The following POLA1 variants were observed in gnomAD, a reference collection of about 807,000 sequenced individuals.
The protein encoded by POLA1 is DNA polymerase alpha 1, catalytic subunit.
A neutral mutation model predicts 124.0 loss-of-function variants in POLA1; 15 were observed. The ratio of observed to expected loss-of-function variants is 0.12; its 90% CI spans 0.08 to 0.19. The LOEUF (loss-of-function observed/expected upper bound fraction) is 0.19. POLA1 is among the 10% of genes least tolerant of loss of function. POLA1 has a pLI of 1.00. For synonymous variants in POLA1, 408 were observed against 389.4 expected (o/e 1.05, Z -0.56); for missense variants, 886 against 1,103.4 (o/e 0.80, Z 2.79).
chrX:24,944,207 GGCT>G (rs2047937295), intron 36 of POLA1, among the ~76,000 whole-genome samples: 1 of 111,819 alleles, frequency 8.9e-6, no homozygotes, highest in Non-Finnish European at 1.9e-5. Context: ...GGTATATAGT[GGCT>G]TTCCATTGAG....
At chrX:24,968,956 C>T (rs762458238) in intron 36 of POLA1, among the ~76,000 whole-genome samples, 2 of 111,167 alleles carry the variant, frequency 1.8e-5, no homozygotes, top group Non-Finnish European at 3.8e-5. Flanking sequence ...CGCATGTAAT[C>T]CCAGCACTTT....
chrX:24,707,056 A>G (rs1163026216), intron 4 of POLA1, among the ~76,000 whole-genome samples: 1 of 112,121 alleles, frequency 8.9e-6, no homozygotes, highest in Non-Finnish European at 1.9e-5. Flanking sequence ...CAACCTGTAT[A>G]ATGTGGAAAT....
intron 36 of POLA1, among the ~76,000 whole-genome samples, chrX:24,952,295 G>C (rs1009259168): frequency 8.9e-6 from 1 of 111,815 alleles, no homozygotes; most frequent in Non-Finnish European, 1.9e-5. Flanking sequence ...TCAGTTAATA[G>C]TATTTTCTCT....
At chrX:24,851,933 C>T (rs756176632) in intron 34 of POLA1, among the ~76,000 whole-genome samples, 85 of 112,612 alleles carry the variant, frequency 7.5e-4, no homozygotes, top group African/African-American at 2.6e-3. Flanking sequence ...AGGAACAAAA[C>T]GGGACTATCA....
intron 31 of POLA1, among the ~76,000 whole-genome samples, chrX:24,824,354 A>G (rs1160364393): frequency 3.6e-5 from 4 of 110,079 alleles, no homozygotes; most frequent in African/African-American, 1.3e-4. Flanking sequence ...GTGCAGTGGC[A>G]TGACCACAGC....
chrX:24,875,701 T>C (rs1290918591), intron 34 of POLA1, among the ~76,000 whole-genome samples: 1 of 112,015 alleles, frequency 8.9e-6, no homozygotes, highest in East Asian at 2.8e-4. Flanking sequence ...ATTTGATTTT[T>C]CAAAAGTTAA....
chrX:24,858,408 G>C (rs1179997683), intron 34 of POLA1, among the ~76,000 whole-genome samples: 2 of 111,819 alleles, frequency 1.8e-5, no homozygotes, highest in Non-Finnish European at 3.8e-5. Flanking sequence ...TTTTAAAGTA[G>C]TTTTGAGACC....
intron 2 of POLA1, among the ~76,000 whole-genome samples, chrX:24,702,495 T>A (rs1928521672): frequency 8.9e-6 from 1 of 112,608 alleles, no homozygotes; most frequent in South Asian, 3.7e-4. Flanking sequence ...TTTGTTGCTT[T>A]AGCTGTGCAG....
At chrX:24,761,959 A>G (rs762921968) in intron 26 of POLA1, among the ~76,000 whole-genome samples, 7 of 112,268 alleles carry the variant, frequency 6.2e-5, no homozygotes, top group Admixed American at 1.9e-4. Flanking sequence ...GACCTGTTGT[A>G]GGTGCAAAAA....
intron 33 of POLA1, 140 bp from the exon 34 acceptor site, chrX:24,843,406 A>T: frequency 2.5e-6 from 1 of 393,374 alleles, no homozygotes; most frequent in Non-Finnish European, 4.4e-6. Flanking sequence ...GAGGAAAATA[A>T]TTGAGAAGAT....
At chrX:24,942,213 G>A (rs763850984) in intron 36 of POLA1, among the ~76,000 whole-genome samples, 25 of 112,138 alleles carry the variant, frequency 2.2e-4, no homozygotes, top group Non-Finnish European at 4.1e-4. Context: ...CATTGTATAC[G>A]GATATGTAGT....
At chrX:24,915,094 A>T (rs1051550966) in intron 35 of POLA1, among the ~76,000 whole-genome samples, 3 of 112,003 alleles carry the variant, frequency 2.7e-5, no homozygotes, top group Non-Finnish European at 3.8e-5. Flanking sequence ...GAGGAGTCAT[A>T]TTGGCGGGTG....
chrX:24,889,734 G>A (rs750772885), intron 35 of POLA1, among the ~76,000 whole-genome samples: 10 of 112,292 alleles, frequency 8.9e-5, no homozygotes, highest in Admixed American at 4.7e-4. Context: ...GTCCAGGCTG[G>A]AATGCAATGG....
intron 4 of POLA1, among the ~76,000 whole-genome samples, chrX:24,707,809 T>C (rs1241558469): frequency 9.0e-6 from 1 of 111,342 alleles, no homozygotes; most frequent in Admixed American, 9.5e-5. Context: ...GCCTGGCCAA[T>C]ATGGTGAAAC....
At position 24,741,357 on chromosome X, in the gene POLA1, TCTTA is replaced by T; in HGVS notation, c.2217-14_2217-11del. On this transcript the variant is annotated splice_polypyrimidine_tract_variant and intron_variant, in intron 20 of 36. Coordinates refer to ENST00000379068, the MANE Select transcript of POLA1 (RefSeq NM_001330360.2). ...TTTTAATTACTTGATTCTGTTTCAT[TCTTA>T]CTTTTCTGTACAGTGAATCTTCTCA... is the stretch of plus-strand genomic sequence containing the variant. 8.7e-7 allele frequency: 1 copy of T among 1,155,282 alleles called. No individual in the cohort carries two copies. The highest frequency in any genetic ancestry group is 1.2e-6 in the Non-Finnish European group (1 of 850,540).
chrX:24,930,693 C>A, intron 36 of POLA1, 144 bp downstream of exon 36: 1 of 464,799 alleles, frequency 2.2e-6, no homozygotes, highest in Non-Finnish European at 3.8e-6. Context: ...ACACAGGGAT[C>A]CCCTGCATGA....
At chrX:24,742,730 G>A (rs1931750276) in intron 22 of POLA1, among the ~76,000 whole-genome samples, 1 of 111,728 alleles carries the variant, frequency 9.0e-6, no homozygotes, top group African/African-American at 3.3e-5. Context: ...TTCTGCTGAG[G>A]TATTGAATGT....
At chrX:24,951,915 G>A (rs950138297) in intron 36 of POLA1, among the ~76,000 whole-genome samples, 5 of 111,953 alleles carry the variant, frequency 4.5e-5, no homozygotes, top group African/African-American at 1.6e-4. Context: ...CCACAATGGA[G>A]TCTGACACCC....
intron 26 of POLA1, among the ~76,000 whole-genome samples, chrX:24,802,518 C>A (rs2045732264): frequency 8.9e-6 from 1 of 111,743 alleles, no homozygotes; most frequent in Non-Finnish European, 1.9e-5. Context: ...TCAAGAAGTA[C>A]ATTTTATTAT....
Sources: allele counts gnomAD v4.1 joint callset (sites outside exome capture counted in the v4.1 genomes callset), GRCh38; gene constraint gnomAD v4.1.1; transcripts MANE v1.5; gene names NCBI Gene and HGNC (gene_info 2026-07-23, HGNC 2026-07-21).